Variants in HSF2 observed in about 807,000 individuals in gnomAD.
HSF2 encodes the protein heat shock factor protein 2.
Under a neutral mutation model 65.0 loss-of-function variants are expected in HSF2, and 21 were observed. The ratio of observed to expected loss-of-function variants is 0.32; its 90% CI spans 0.23 to 0.47. The LOEUF (loss-of-function observed/expected upper bound fraction) is 0.47, where lower values mean the gene tolerates loss of function less well. Ranked by LOEUF, HSF2 falls within the 20% of genes least tolerant of loss-of-function variation. The pLI, the probability that HSF2 is intolerant of heterozygous loss-of-function variation, is 1.00. For synonymous variants in HSF2, 225 were observed against 219.1 expected (o/e 1.03, Z -0.24); for missense variants, 499 against 628.1 (o/e 0.79, Z 2.20).
In HSF2 at chr6:122,399,722, C is replaced by T. The variant is rs1340201125; in HGVS notation, c.-16C>T. The T allele has an allele frequency of 1.9e-6, 3 of 1,607,560 alleles. No homozygotes were observed. The highest frequency in any genetic ancestry group is 1.7e-5 in the Admixed American group (1 of 59,550). ...CGTTCGGGTGTAGAATTTGGAATCCCTGCGCCGCGTTAACAATGAAGCAGA... is the reference window on the plus strand; with the variant it reads ...CGTTCGGGTGTAGAATTTGGAATCCTTGCGCCGCGTTAACAATGAAGCAGA... On this transcript the variant is annotated 5_prime_UTR_variant, in exon 1 of 13. Coordinates refer to ENST00000368455, the MANE Select transcript of HSF2 (RefSeq NM_004506.4).
At chr6:122,416,632 A>G (rs529692861) in intron 5 of HSF2, among the ~76,000 whole-genome samples, 11 of 152,346 alleles carry the variant, frequency 7.2e-5, no homozygotes, top group African/African-American at 2.6e-4. Flanking sequence ...TAGAAAACAT[A>G]GCCTTACTGG....
chr6:122,421,743 A>G (rs45443996), intron 7 of HSF2, among the ~76,000 whole-genome samples: 217 of 152,268 alleles, frequency 1.4e-3, no homozygotes, highest in African/African-American at 5.0e-3. Context: ...ACACATTTCA[A>G]AACAGAGCAT....
intron 3 of HSF2, among the ~76,000 whole-genome samples, chr6:122,413,322 A>AT (rs1397700844): frequency 1.6e-3 from 126 of 77,362 alleles, no homozygotes; most frequent in African/African-American, 5.3e-3. Context: ...ATTAAAAAAA[A>AT]ATTTTTTTTA....
At chr6:122,412,794 G>A (rs776938164) in intron 3 of HSF2, 30 bp downstream of exon 3, 1 of 1,607,446 alleles carries the variant, frequency 6.2e-7, no homozygotes, top group Non-Finnish European at 8.5e-7. Context: ...AGCTAATTAG[G>A]GTATTGACCT....
chr6:122,405,144 G>C (rs1773839442), intron 1 of HSF2, among the ~76,000 whole-genome samples: 1 of 151,762 alleles, frequency 6.6e-6, no homozygotes, highest in South Asian at 2.1e-4. Context: ...ATACAAGCTG[G>C]GTATGGTGGT....
Position 122,419,157 on chromosome 6 carries a change from A to G in HSF2, c.532-11A>G, listed in dbSNP as rs1554208959. 2.2e-6 allele frequency: 3 copies of G among 1,337,472 alleles called. No individual in the cohort carries two copies. Among genetic ancestry groups the G allele is most frequent in the South Asian group, 2.4e-5 (2 of 81,866 alleles). The allele number at this position is 1,337,472 out of a possible 1,614,324, so 82.9% of individuals were successfully genotyped here. ...GTATAATGAAATAATTTTTGTTTAT[A>G]TTTTTTTCAGATTGTCCAGTTTATT... On this transcript the variant is annotated splice_polypyrimidine_tract_variant and intron_variant, in intron 5 of 12. Transcript: ENST00000368455.
chr6:122,406,778 A>G (rs1773877037), intron 1 of HSF2, among the ~76,000 whole-genome samples: 1 of 152,160 alleles, frequency 6.6e-6, no homozygotes, highest in Admixed American at 6.5e-5. Context: ...CTCTAGTAGT[A>G]TTTGAAACAA....
At chr6:122,414,753 G>A (rs540357761) in intron 4 of HSF2, among the ~76,000 whole-genome samples, 2 of 152,232 alleles carry the variant, frequency 1.3e-5, no homozygotes, top group South Asian at 2.1e-4. Context: ...AGCCTCCCTA[G>A]TAGCTGGGAT....
At chr6:122,400,646 C>T (rs989172670) in intron 1 of HSF2, among the ~76,000 whole-genome samples, 1 of 152,190 alleles carries the variant, frequency 6.6e-6, no homozygotes, top group African/African-American at 2.4e-5. Flanking sequence ...TAAGTTAAAT[C>T]TTTCATAAGA....
chr6:122,415,507 A>G (rs994876334), intron 4 of HSF2, among the ~76,000 whole-genome samples: 3 of 152,186 alleles, frequency 2.0e-5, no homozygotes, highest in Non-Finnish European at 1.5e-5. Context: ...AGTGCTGGGT[A>G]TATATCACTA....
chr6:122,399,688 C>CCGCCGT lies in HSF2; in HGVS notation c.-50_-49insCGCCGT. On this transcript the variant is annotated 5_prime_UTR_variant, in exon 1 of 13. Coordinates refer to ENST00000368455, the MANE Select transcript of HSF2 (RefSeq NM_004506.4). The stretch of plus-strand genomic sequence containing the variant: ...GCTGCTGCCGTAGCTGCCGCCGCCG[C>CCGCCGT]TACCACCGCGTTCGGGTGTAGAATT... 6.6e-7 allele frequency: 1 copy of CCGCCGT among 1,524,930 alleles called. No homozygotes were observed. Among genetic ancestry groups the CCGCCGT allele is most frequent in the Non-Finnish European group, 9.0e-7 (1 of 1,107,652 alleles). The allele number at this position is 1,524,930 out of a possible 1,614,324, so 94.5% of individuals were successfully genotyped here.
chr6:122,428,600 G>C (rs534113997), intron 11 of HSF2, among the ~76,000 whole-genome samples: 1 of 152,012 alleles, frequency 6.6e-6, no homozygotes, highest in East Asian at 1.9e-4. Context: ...GTCATGAATA[G>C]GTATACACTC....
intron 5 of HSF2, among the ~76,000 whole-genome samples, chr6:122,417,187 T>C (rs1452935006): frequency 2.6e-5 from 4 of 151,796 alleles, no homozygotes; most frequent in Non-Finnish European, 5.9e-5. Flanking sequence ...GAAGGTTGAA[T>C]GTAGTAGAAT....
At chr6:122,429,468 C>T (rs1774413069) in intron 11 of HSF2, among the ~76,000 whole-genome samples, 1 of 152,100 alleles carries the variant, frequency 6.6e-6, no homozygotes, top group Admixed American at 6.6e-5. Context: ...AAATAATTGG[C>T]ACATCAGCTG....
In HSF2 at chr6:122,425,365, T is replaced by A. The variant is rs9490450; in HGVS notation, c.1176+1679T>A. ...TGTGATTTTTCTTTTCTTTTTGCTG[T>A]ATTAGTCCATTGGGCTAGTGGAAAG... On this transcript the variant is annotated intron_variant, in intron 10 of 12. Transcript: ENST00000368455. Among the ~76,000 whole-genome samples, 87 of 152,204 alleles carry A rather than the reference T, an allele frequency of 5.7e-4. 1 individual carries two copies. Among genetic ancestry groups the A allele is most frequent in the African/African-American group, 2.1e-3 (87 of 41,552 alleles).
At position 122,402,811 on chromosome 6, in the gene HSF2, CA is replaced by C. The variant is rs1451035923; in HGVS notation, c.93+2984del. 5.9e-5 allele frequency among the ~76,000 whole-genome samples: 9 copies of C among 152,258 alleles called. 1 individual carries two copies. The South Asian group carries it at 6.2e-4, about 11-fold the overall frequency. On this transcript the variant is annotated intron_variant, in intron 1 of 12. Transcript: ENST00000368455. ...AAGTGATCCACCCGTCTCGGCCTCC[CA>C]AAGTGTTGAGATTACAGGTGTGAGC...
intron 10 of HSF2, among the ~76,000 whole-genome samples, chr6:122,425,006 A>G (rs1055726876): frequency 1.8e-4 from 28 of 152,082 alleles, no homozygotes; most frequent in African/African-American, 6.7e-4. Flanking sequence ...TCTGTTTCCA[A>G]TCTTGTATCC....
At chr6:122,416,510 C>T (rs910018830) in intron 5 of HSF2, among the ~76,000 whole-genome samples, 12 of 152,160 alleles carry the variant, frequency 7.9e-5, no homozygotes, top group East Asian at 1.9e-4. Flanking sequence ...ATTCCATACT[C>T]GCAGATAATG....
intron 11 of HSF2, among the ~76,000 whole-genome samples, chr6:122,428,891 T>C (rs1774395628): frequency 6.6e-6 from 1 of 152,082 alleles, no homozygotes; most frequent in Non-Finnish European, 1.5e-5. Context: ...GGAAGTTGAT[T>C]ATACATTCAG....
Sources: gnomAD v4.1 joint callset for allele counts (sites outside exome capture counted in the v4.1 genomes callset) on GRCh38, gnomAD v4.1.1 for gene constraint, MANE v1.5 for transcripts, NCBI Gene and HGNC (gene_info 2026-07-23, HGNC 2026-07-21) for gene names.